PCSK6: variants seen among roughly 807,000 people sequenced by gnomAD.
The protein encoded by PCSK6 is paired basic amino acid cleaving enzyme 4.
PCSK6 carries 85 observed loss-of-function variants against 123.3 expected under a neutral mutation model. That is an observed-to-expected ratio of 0.69 (90% CI 0.58 to 0.83). The LOEUF is 0.83. PCSK6 is among the 40% of genes least tolerant of loss of function. The pLI, the probability that PCSK6 is intolerant of heterozygous loss-of-function variation, is 0.00. For missense variants in PCSK6, 1,191 were observed against 1,282.3 expected (o/e 0.93, Z 1.09); for synonymous variants, 508 against 516.0 (o/e 0.98, Z 0.21).
intron 19 of PCSK6, 30 bp downstream of exon 19, chr15:101,318,289 G>T: frequency 1.3e-6 from 2 of 1,491,844 alleles, no homozygotes; most frequent in Non-Finnish European, 1.8e-6. Context: ...GGTGACGCTG[G>T]CCCGAGGCCT....
Position 101,345,167 on chromosome 15 carries a change from C to T in PCSK6, c.1859-13136G>A, listed in dbSNP as rs570852806. ...GAAGCAGATGCCTTCAAGCAAAAGC[C>T]GGACCATGATTCTGTTCACCTCTTT... On this transcript the variant is annotated intron_variant, in intron 13 of 21. Coordinates refer to ENST00000611716, the MANE Select transcript of PCSK6 (RefSeq NM_002570.5). Among the ~76,000 whole-genome samples the T allele has an allele frequency of 6.6e-5, 10 of 152,200 alleles. No homozygotes were observed. The South Asian group carries it at 8.3e-4, about 13-fold the overall frequency.
At chr15:101,357,801 T>TA (rs1171584713) in intron 13 of PCSK6, among the ~76,000 whole-genome samples, 1 of 152,076 alleles carries the variant, frequency 6.6e-6, no homozygotes, top group Non-Finnish European at 1.5e-5. Context: ...TCCTAGGGGG[T>TA]GCTTCCTGGC....
rs564564432 is a variant in PCSK6 at position 101,351,403 on chromosome 15, T to C, written c.1858+14793A>G. The stretch of plus-strand genomic sequence containing the variant: ...CAATTTAGCAAGGAAGTTGTTCCCA[T>C]CCCTGGTGAGTGAATGAAGTTCTGA... On this transcript the variant is annotated intron_variant, in intron 13 of 21. Transcript: ENST00000611716. 1.3e-4 allele frequency among the ~76,000 whole-genome samples: 20 copies of C among 152,350 alleles called. No individual in the cohort carries two copies. The South Asian group carries it at 1.4e-3, about 11-fold the overall frequency.
chr15:101,463,335 T>A (rs2057381049), intron 1 of PCSK6, among the ~76,000 whole-genome samples: 1 of 152,134 alleles, frequency 6.6e-6, no homozygotes, highest in Non-Finnish European at 1.5e-5. Context: ...TCCCCGAATA[T>A]CACTGCTCTA....
At chr15:101,316,962 T>C (rs1368624791) in intron 19 of PCSK6, among the ~76,000 whole-genome samples, 2 of 139,802 alleles carry the variant, frequency 1.4e-5, no homozygotes, top group African/African-American at 2.8e-5. Flanking sequence ...CAGGCTGAAG[T>C]ATGTAGGGGT....
At chr15:101,386,202 A>G (rs184660232) in intron 9 of PCSK6, among the ~76,000 whole-genome samples, 1 of 152,114 alleles carries the variant, frequency 6.6e-6, no homozygotes, top group African/African-American at 2.4e-5. Flanking sequence ...AGGAACACGG[A>G]CTAAGTAAAA....
chr15:101,325,105 T>C, intron 16 of PCSK6, 59 bp from the exon 17 acceptor site: 1 of 1,298,000 alleles, frequency 7.7e-7, no homozygotes, highest in Non-Finnish European at 1.1e-6. Context: ...GCCCCAGGCC[T>C]GCCCCTTTGT....
chr15:101,341,165 C>G (rs138311860), intron 13 of PCSK6, among the ~76,000 whole-genome samples: 1,786 of 151,866 alleles, frequency 0.012, 12 homozygotes, highest in Non-Finnish European at 0.019. Flanking sequence ...GAACTCCGAA[C>G]CTCAGGTGAT....
intron 11 of PCSK6, among the ~76,000 whole-genome samples, chr15:101,373,522 T>G (rs914579403): frequency 2.0e-5 from 3 of 152,176 alleles, no homozygotes; most frequent in Non-Finnish European, 2.9e-5. Context: ...ACATTTTACT[T>G]CTGTGGTTGC....
rs2041391245 is a variant in PCSK6 at position 101,366,382 on chromosome 15, C to T, written c.1722-50G>A. ...AAATGAAGGTGCTGGTACTGAGTGG[C>T]TGGGCGGAGGGGCTGGCACAAGCAG... On this transcript the variant is annotated intron_variant, in intron 12 of 21. Transcript: ENST00000611716. 4.5e-6 allele frequency: 7 copies of T among 1,562,704 alleles called. No individual in the cohort carries two copies. In the East Asian group the frequency reaches 1.4e-4, roughly 31 times the overall value.
chr15:101,357,779 T>C (rs1383489584), intron 13 of PCSK6, among the ~76,000 whole-genome samples: 1 of 152,148 alleles, frequency 6.6e-6, no homozygotes, highest in Non-Finnish European at 1.5e-5. Flanking sequence ...AGACACGGAT[T>C]TTCACCCTTC....
chr15:101,337,582 T>C (rs2040510624), intron 13 of PCSK6, among the ~76,000 whole-genome samples: 1 of 152,260 alleles, frequency 6.6e-6, no homozygotes, highest in Admixed American at 6.5e-5. Flanking sequence ...ATTTCTTGCA[T>C]AGTTGAAAAC....
At chr15:101,478,882 C>T (rs895218647) in intron 1 of PCSK6, among the ~76,000 whole-genome samples, 1 of 152,200 alleles carries the variant, frequency 6.6e-6, no homozygotes, top group Non-Finnish European at 1.5e-5. Context: ...TGCTAGAGCT[C>T]AGCAGAAGTG....
intron 13 of PCSK6, among the ~76,000 whole-genome samples, chr15:101,356,067 T>A (rs1303049644): frequency 6.6e-6 from 1 of 152,178 alleles, no homozygotes; most frequent in Non-Finnish European, 1.5e-5. Context: ...AGCATACATG[T>A]TTCTCAGAGA....
chr15:101,466,090 A>C (rs1033182484), intron 1 of PCSK6, among the ~76,000 whole-genome samples: 1 of 152,208 alleles, frequency 6.6e-6, no homozygotes, highest in Non-Finnish European at 1.5e-5. Flanking sequence ...TCCAAAGGAC[A>C]CCATCAAGAA....
rs2057272368 is a variant in PCSK6, at chr15:101,459,260, A to G, written c.298-15600T>C. ...CCCCTACGTGCCTGCACAGGGAATC[A>G]TGTGTGTGCTGGCTTCCTCCATCCT... On this transcript the variant is annotated intron_variant, in intron 1 of 21. Coordinates refer to ENST00000611716, the MANE Select transcript of PCSK6 (RefSeq NM_002570.5). 2.0e-5 allele frequency among the ~76,000 whole-genome samples: 3 copies of G among 152,242 alleles called. No individual in the cohort carries two copies. The South Asian group carries it at 6.2e-4, about 32-fold the overall frequency.
intron 6 of PCSK6, among the ~76,000 whole-genome samples, chr15:101,400,387 G>A (rs149327126): frequency 1.1e-4 from 16 of 152,360 alleles, no homozygotes; most frequent in Non-Finnish European, 2.9e-5. Context: ...ACCTTCTGAA[G>A]TAGGGGTTCC....
At chr15:101,484,524 C>G (rs1265400715) in intron 1 of PCSK6, among the ~76,000 whole-genome samples, 1 of 152,086 alleles carries the variant, frequency 6.6e-6, no homozygotes, top group African/African-American at 2.4e-5. Flanking sequence ...GAGTAGCTGG[C>G]ATTACAGGCG....
At chr15:101,353,723 A>G (rs1429775026) in intron 13 of PCSK6, among the ~76,000 whole-genome samples, 1 of 152,250 alleles carries the variant, frequency 6.6e-6, no homozygotes, top group African/African-American at 2.4e-5. Context: ...AGGGCTAAAG[A>G]GATCAGATCA....
Sources: gnomAD v4.1 joint callset for allele counts (sites outside exome capture counted in the v4.1 genomes callset) on GRCh38, gnomAD v4.1.1 for gene constraint, MANE v1.5 for transcripts, NCBI Gene and HGNC (gene_info 2026-07-23, HGNC 2026-07-21) for gene names.